DIAPH1: variants seen among roughly 807,000 people sequenced by gnomAD.
DIAPH1 encodes the protein diaphanous related formin 1, also known as protein diaphanous homolog 1.
A neutral mutation model predicts 140.7 loss-of-function variants in DIAPH1; 46 were observed. That is an observed-to-expected ratio of 0.33 (90% CI 0.26 to 0.42). The LOEUF (loss-of-function observed/expected upper bound fraction) is 0.42, where lower values mean the gene tolerates loss of function less well. Among genes scored for constraint, DIAPH1 ranks in the 10% least tolerant of loss-of-function variants. The pLI, the probability that DIAPH1 is intolerant of heterozygous loss-of-function variation, is 1.00. For missense variants in DIAPH1, 1,310 were observed against 1,558.7 expected (o/e 0.84, Z 2.69); for synonymous variants, 565 against 551.6 (o/e 1.02, Z -0.34).
intron 18 of DIAPH1, among the ~76,000 whole-genome samples, chr5:141,562,537 C>T (rs1304970468): frequency 1.4e-5 from 2 of 147,358 alleles, no homozygotes; most frequent in East Asian, 4.0e-4. Context: ...AGAAGGATGG[C>T]ATGGATGAAT....
At chr5:141,531,598 C>T (rs2099888244) in intron 19 of DIAPH1, among the ~76,000 whole-genome samples, 1 of 152,178 alleles carries the variant, frequency 6.6e-6, no homozygotes, top group South Asian at 2.1e-4. Flanking sequence ...AGCGATTCTC[C>T]TGCCTCAGCC....
At chr5:141,542,858 ATC>A (rs1209168430) in intron 18 of DIAPH1, among the ~76,000 whole-genome samples, 1 of 152,240 alleles carries the variant, frequency 6.6e-6, no homozygotes, top group Non-Finnish European at 1.5e-5. Flanking sequence ...TGTGAATTTC[ATC>A]TCAATAAAAT....
chr5:141,582,008 C>T (rs950200463), intron 7 of DIAPH1: 5 of 252,982 alleles, frequency 2.0e-5, no homozygotes, highest in Admixed American at 1.4e-4. Flanking sequence ...TGCAGTGAGC[C>T]GAGATCGAGC....
At chr5:141,597,063 T>C (rs561786828) in intron 1 of DIAPH1, among the ~76,000 whole-genome samples, 1 of 151,892 alleles carries the variant, frequency 6.6e-6, no homozygotes, top group Non-Finnish European at 1.5e-5. Context: ...GATAAGAAAA[T>C]TAGAAGACCA....
At chr5:141,575,201 CA>C in intron 14 of DIAPH1, 55 bp from the exon 15 acceptor site, 1 of 1,572,196 alleles carries the variant, frequency 6.4e-7, no homozygotes, top group Non-Finnish European at 8.8e-7. Context: ...GTAAGAAGCA[CA>C]AGTATTATTA....
At chr5:141,547,102 C>T (rs1336461974) in intron 18 of DIAPH1, among the ~76,000 whole-genome samples, 1 of 152,196 alleles carries the variant, frequency 6.6e-6, no homozygotes, top group Non-Finnish European at 1.5e-5. Context: ...CTCTGGTTAA[C>T]ATGTTCTGGA....
Position 141,574,082 on chromosome 5 carries a change from CAGGT to C in DIAPH1, c.1764_1767del (p.Pro589ValfsTer178). On this transcript the variant is annotated frameshift_variant, in exon 16 of 28. Coordinates refer to ENST00000389054, the MANE Select transcript of DIAPH1 (RefSeq NM_005219.5). LOFTEE classifies it high-confidence loss of function. ...GGTGGAATAATAGTGCCAGAGTCAC[CAGGT>C]AAAGGAGGGGCAGGGGGAACAGGAG... is the stretch of plus-strand genomic sequence containing the variant. 6.2e-7 allele frequency: 1 copy of C among 1,612,592 alleles called. No individual in the cohort carries two copies. Among genetic ancestry groups the C allele is most frequent in the Non-Finnish European group, 8.5e-7 (1 of 1,179,454 alleles).
Position 141,526,422 on chromosome 5 carries a change from G to A in DIAPH1, c.3313C>T (p.Arg1105Trp), listed in dbSNP as rs781577050. 114 of 1,614,112 alleles carry A rather than the reference G, an allele frequency of 7.1e-5. No homozygotes were observed. Among genetic ancestry groups the A allele is most frequent in the Admixed American group, 1.3e-4 (8 of 60,024 alleles). The change falls in exon 25 of 28, where the codon CGG becomes TGG. Residue 1105 changes from arginine (R) to tryptophan (W), a missense_variant. Arg to Trp is a moderately radical substitution (Grantham distance 101). Coordinates refer to ENST00000389054, the MANE Select transcript of DIAPH1 (RefSeq NM_005219.5). ...KDAQEQYNKL[R>W]MMHSNMETLY... ...GTCTCCATGTTAGAATGCATCATCC[G>A]CAGCTTGTTATACTGTTCCTGTGCA...
At chr5:141,523,400 G>A (rs927329543) in intron 27 of DIAPH1, among the ~76,000 whole-genome samples, 1 of 152,122 alleles carries the variant, frequency 6.6e-6, no homozygotes, top group Non-Finnish European at 1.5e-5. Flanking sequence ...TAGTCTCTTG[G>A]CCACTGTAAG....
chr5:141,612,074 TAATA>T (rs374105530), intron 1 of DIAPH1, among the ~76,000 whole-genome samples: 45 of 151,446 alleles, frequency 3.0e-4, no homozygotes, highest in African/African-American at 8.7e-4. Context: ...TCTCAAAAAA[TAATA>T]AATAAATAAA....
chr5:141,594,361 C>T (rs1021177826), intron 1 of DIAPH1, among the ~76,000 whole-genome samples: 5 of 152,132 alleles, frequency 3.3e-5, no homozygotes, highest in Non-Finnish European at 7.4e-5. Flanking sequence ...GTAACTAAAC[C>T]ATGGCACATT....
intron 18 of DIAPH1, among the ~76,000 whole-genome samples, chr5:141,561,245 T>C (rs1356434807): frequency 2.0e-5 from 3 of 152,150 alleles, no homozygotes; most frequent in Admixed American, 2.0e-4. Flanking sequence ...TTGGGGTTAT[T>C]GTAGGATCAG....
In DIAPH1 at chr5:141,618,791, C is replaced by A; in HGVS notation, c.117+7G>T. On this transcript the variant is annotated splice_region_variant and intron_variant, in intron 1 of 27. Coordinates refer to ENST00000389054, the MANE Select transcript of DIAPH1 (RefSeq NM_005219.5). ...CCAGGCAGGAGCGGGATGGGAGGGA[C>A]ACTCACAAATTTCTTAGATTTGCCG... The A allele has an allele frequency of 6.5e-7, 1 of 1,542,516 alleles. No homozygotes were observed. The highest frequency in any genetic ancestry group is 8.8e-7 in the Non-Finnish European group (1 of 1,137,664).
chr5:141,537,661 A>G (rs1316947924), intron 18 of DIAPH1, among the ~76,000 whole-genome samples: 1 of 151,122 alleles, frequency 6.6e-6, no homozygotes, highest in Non-Finnish European at 1.5e-5. Flanking sequence ...GAGTAGCTTC[A>G]TGTAGAGGAA....
At chr5:141,598,786 A>G (rs1289634557) in intron 1 of DIAPH1, among the ~76,000 whole-genome samples, 1 of 152,232 alleles carries the variant, frequency 6.6e-6, no homozygotes, top group African/African-American at 2.4e-5. Flanking sequence ...AAACACCCTG[A>G]TTAATTATTA....
At chr5:141,568,967 A>G (rs2099894771) in intron 18 of DIAPH1, among the ~76,000 whole-genome samples, 1 of 152,140 alleles carries the variant, frequency 6.6e-6, no homozygotes, top group South Asian at 2.1e-4. Flanking sequence ...AGAGTTGAAT[A>G]CAGTCAGAAT....
intron 2 of DIAPH1, among the ~76,000 whole-genome samples, chr5:141,587,783 G>T (rs2154596712): frequency 6.6e-6 from 1 of 152,300 alleles, no homozygotes; most frequent in East Asian, 1.9e-4. Flanking sequence ...CATCTCGTCA[G>T]CAAAGAATAC....
intron 18 of DIAPH1, among the ~76,000 whole-genome samples, chr5:141,548,151 A>T (rs2099891107): frequency 6.6e-6 from 1 of 151,926 alleles, no homozygotes; most frequent in African/African-American, 2.4e-5. Flanking sequence ...ATGAGCTATG[A>T]TTGCGCCACT....
chr5:141,574,094 G>A lies in DIAPH1; in HGVS notation c.1756C>T (p.Pro586Ser), dbSNP rs749357702. Residue 586 changes from proline to serine, a missense_variant, in exon 16 of 28, where the codon CCT becomes TCT. Physicochemically the swap from Pro to Ser is moderately conservative, Grantham distance 74. Around this residue, in one of 3 missense-constraint regions of DIAPH1, gnomAD observed 589 missense variants for 549.3 expected, o/e 1.07. Transcript: ENST00000389054. ...GTGCCAGAGTCACCAGGTAAAGGAGGGGCAGGGGGAACAGGAGCACGACTA... is the reference window on the plus strand; with the variant it reads ...GTGCCAGAGTCACCAGGTAAAGGAGAGGCAGGGGGAACAGGAGCACGACTA... ...VPSRAPVPPA[P>S]PLPGDSGTII... is the part of the protein sequence containing the mutation. 2 of 1,613,726 alleles carry A rather than the reference G, an allele frequency of 1.2e-6. No homozygotes were observed. Among genetic ancestry groups the A allele is most frequent in the Admixed American group, 1.7e-5 (1 of 59,934 alleles).
Sources: gnomAD v4.1 joint callset for allele counts (sites outside exome capture counted in the v4.1 genomes callset) on GRCh38, gnomAD v4.1.1 for gene constraint, gnomAD v4.1.1 regional missense constraint, MANE v1.5 for transcripts, NCBI Gene and HGNC (gene_info 2026-07-23, HGNC 2026-07-21) for gene names.